The following DLC1 variants were observed in gnomAD, a reference collection of about 807,000 sequenced individuals.
DLC1 encodes DLC1 Rho GTPase activating protein, also known as rho GTPase-activating protein 7.
A neutral mutation model predicts 140.3 loss-of-function variants in DLC1; 54 were observed. The observed-to-expected ratio is 0.38, with a 90% confidence interval of 0.31 to 0.48. The LOEUF (loss-of-function observed/expected upper bound fraction) is 0.48, where lower values mean the gene tolerates loss of function less well. Among genes scored for constraint, DLC1 ranks in the 20% least tolerant of loss-of-function variants. The pLI, the probability that DLC1 is intolerant of heterozygous loss-of-function variation, is 0.96. For missense variants in DLC1, 2,536 were observed against 1,907.0 expected, an observed-to-expected ratio of 1.33 and a Z score of -6.14; for synonymous variants, 986 against 728.1, an observed-to-expected ratio of 1.35 and a Z score of -5.70.
intron 2 of DLC1, among the ~76,000 whole-genome samples, chr8:13,482,432 A>G (rs571525660): frequency 2.1e-5 from 3 of 146,056 alleles, no homozygotes; most frequent in East Asian, 3.9e-4. Flanking sequence ...ATAGTTGATG[A>G]ATAGAGCAAT....
chr8:13,483,363 C>T (rs72603979), intron 2 of DLC1, among the ~76,000 whole-genome samples: 20,267 of 152,090 alleles, frequency 0.13, 1,497 homozygotes, highest in East Asian at 0.23. Context: ...TTTGAGGGGC[C>T]ACAATTCAAT....
At chr8:13,599,354 G>A (rs1379117703) in intron 1 of DLC1, among the ~76,000 whole-genome samples, 3 of 151,962 alleles carry the variant, frequency 2.0e-5, no homozygotes, top group African/African-American at 7.2e-5. Flanking sequence ...AAATTATTTT[G>A]ATAAAGAAAG....
At chr8:13,285,031 A>G (rs1052886711) in intron 5 of DLC1, among the ~76,000 whole-genome samples, 9 of 152,328 alleles carry the variant, frequency 5.9e-5, no homozygotes, top group East Asian at 1.9e-4. Context: ...TGACAAGTTG[A>G]TTCTAATGTA....
At chr8:13,304,048 A>G (rs1271820403) in intron 5 of DLC1, among the ~76,000 whole-genome samples, 4 of 152,132 alleles carry the variant, frequency 2.6e-5, no homozygotes, top group African/African-American at 9.7e-5. Context: ...TAGGATGACA[A>G]CTTTGTTCTG....
chr8:13,221,722 GTGTGTATA>G (rs1378405701), intron 5 of DLC1, among the ~76,000 whole-genome samples: 1 of 131,340 alleles, frequency 7.6e-6, no homozygotes, highest in African/African-American at 3.0e-5. Context: ...ATGTGTGTGT[GTGTGTATA>G]TATATATATA....
At chr8:13,134,722 AC>A (rs1352464270) in intron 5 of DLC1, among the ~76,000 whole-genome samples, 2 of 152,158 alleles carry the variant, frequency 1.3e-5, no homozygotes, top group Non-Finnish European at 1.5e-5. Context: ...GCTTTTGGGA[AC>A]CGAGGTGGGA....
intron 2 of DLC1, among the ~76,000 whole-genome samples, chr8:13,446,673 G>A (rs1798789026): frequency 6.6e-6 from 1 of 152,142 alleles, no homozygotes; most frequent in Non-Finnish European, 1.5e-5. Flanking sequence ...AGGAATGGTG[G>A]TTCACGCCTG....
At chr8:13,388,030 C>CATGCATACATAAATT (rs1347213689) in intron 4 of DLC1, among the ~76,000 whole-genome samples, 2 of 151,788 alleles carry the variant, frequency 1.3e-5, no homozygotes, top group African/African-American at 4.8e-5. Flanking sequence ...TATGTAAAAC[C>CATGCATACATAAATT]ATGCATACAT....
At chr8:13,406,017 T>C (rs960668934) in intron 2 of DLC1, among the ~76,000 whole-genome samples, 11 of 146,702 alleles carry the variant, frequency 7.5e-5, no homozygotes, top group Non-Finnish European at 1.5e-4. Flanking sequence ...TTCTTTTTTT[T>C]TTTTTGGGAG....
intron 2 of DLC1, among the ~76,000 whole-genome samples, chr8:13,416,656 A>G (rs770212738): frequency 1.3e-5 from 2 of 152,206 alleles, no homozygotes; most frequent in African/African-American, 2.4e-5. Context: ...AAATGTTCAG[A>G]TTCATAAACC....
chr8:13,540,561 G>T (rs556547800), intron 1 of DLC1, among the ~76,000 whole-genome samples: 2 of 152,170 alleles, frequency 1.3e-5, no homozygotes, highest in South Asian at 4.1e-4. Context: ...ATGTGTCTGC[G>T]CAGACTGTAG....
In DLC1 at chr8:13,451,037, C is replaced by CAAAAAAAAAAAAAAAAA. The variant is rs1169620786; in HGVS notation, c.1023+47995_1023+48011dup. Among the ~76,000 whole-genome samples the CAAAAAAAAAAAAAAAAA allele has an allele frequency of 3.3e-3, 60 of 18,372 alleles. 10 individuals are homozygous for CAAAAAAAAAAAAAAAAA. Among genetic ancestry groups the CAAAAAAAAAAAAAAAAA allele is most frequent in the Admixed American group, 5.1e-3 (5 of 988 alleles). 12.1% of individuals were successfully genotyped at this position (18,372 alleles called of 152,430 possible). A position where few individuals can be genotyped will look rare whatever the true frequency, so the allele number is the denominator to read the frequency against. ...CTGGTGATAGAGTGAGACTCCGTCT[C>CAAAAAAAAAAAAAAAAA]AAAAAAAAAAAAAAAAAAAAAAAAA... On this transcript the variant is annotated intron_variant, in intron 2 of 17. Coordinates refer to ENST00000276297, the MANE Select transcript of DLC1 (RefSeq NM_182643.3).
intron 5 of DLC1, chr8:13,133,194 G>A (rs1039065387): frequency 2.8e-6 from 4 of 1,426,426 alleles, no homozygotes; most frequent in East Asian, 5.2e-5. Context: ...AGGGAGTTGG[G>A]CGAGAAGTCC....
At chr8:13,361,020 C>G (rs1490882244) in intron 4 of DLC1, among the ~76,000 whole-genome samples, 1 of 151,946 alleles carries the variant, frequency 6.6e-6, no homozygotes, top group Non-Finnish European at 1.5e-5. Flanking sequence ...TGTTTGAGCT[C>G]AGGAGTTCAA....
chr8:13,342,567 T>G (rs1834112762), intron 4 of DLC1: 1 of 152,246 alleles, frequency 6.6e-6, no homozygotes, highest in Admixed American at 6.5e-5. Flanking sequence ...GACTGAGGTT[T>G]CCTGAAGAGG....
intron 3 of DLC1, among the ~76,000 whole-genome samples, chr8:13,394,711 T>G (rs992087150): frequency 5.9e-5 from 9 of 152,170 alleles, no homozygotes; most frequent in African/African-American, 2.2e-4. Context: ...GCACCCCAAC[T>G]CTCCAGTCTT....
chr8:13,499,933 C>A lies in DLC1; in HGVS notation c.139G>T (p.Asp47Tyr). ...TTGCGGTCCACATTTAGAGTTGCAT[C>A]TTTTTCCATACTTGCCTGCAAGCTG... Reference protein sequence around the residue: ...ADSLQASMEKDATLNVDRKEK... With the variant: ...ADSLQASMEKYATLNVDRKEK... The change falls in exon 2 of 18, where the codon GAT becomes TAT. Residue 47 changes from aspartate to tyrosine, a missense_variant. By Grantham distance (160) the Asp-to-Tyr change is radical. Coordinates refer to ENST00000276297, the MANE Select transcript of DLC1 (RefSeq NM_182643.3). 6.2e-7 allele frequency: 1 copy of A among 1,614,076 alleles called. No homozygotes were observed. The highest frequency in any genetic ancestry group is 8.5e-7 in the Non-Finnish European group (1 of 1,179,992).
At chr8:13,474,749 C>T (rs1369506892) in intron 2 of DLC1, among the ~76,000 whole-genome samples, 1 of 152,212 alleles carries the variant, frequency 6.6e-6, no homozygotes, top group Non-Finnish European at 1.5e-5. Flanking sequence ...GATGTGACTG[C>T]TCCATTGGAT....
intron 1 of DLC1, among the ~76,000 whole-genome samples, chr8:13,513,883 A>C (rs1322327457): frequency 6.6e-6 from 1 of 152,178 alleles, no homozygotes; most frequent in Admixed American, 6.5e-5. Context: ...GATTGACTTC[A>C]GTTATTCAAA....
Sources: gnomAD v4.1 joint callset for allele counts (sites outside exome capture counted in the v4.1 genomes callset) on GRCh38, gnomAD v4.1.1 for gene constraint, MANE v1.5 for transcripts, NCBI Gene and HGNC (gene_info 2026-07-23, HGNC 2026-07-21) for gene names.